RSF1: variants seen among roughly 807,000 people sequenced by gnomAD.
RSF1 encodes the protein remodeling and spacing factor 1, also known as HBV pX-associated protein 8.
Under a neutral mutation model 145.2 loss-of-function variants are expected in RSF1, and 13 were observed. The observed-to-expected ratio is 0.09, with a 90% CI of 0.06 to 0.14. The LOEUF (loss-of-function observed/expected upper bound fraction) is 0.14. RSF1 is among the 10% of genes least tolerant of loss of function. The pLI is 1.00. For synonymous variants in RSF1, 577 were observed against 592.6 expected, an observed-to-expected ratio of 0.97 and a Z score of 0.38; for missense variants, 1,517 against 1,718.2, an observed-to-expected ratio of 0.88 and a Z score of 2.07.
chr11:77,710,159 TAAAAA>T (rs201806358), intron 5 of RSF1, among the ~76,000 whole-genome samples: 1 of 151,490 alleles, frequency 6.6e-6, no homozygotes, highest in Admixed American at 6.6e-5. Context: ...TTTTTTAAAT[TAAAAA>T]AAAATTGTTG....
chr11:77,867,006 A>C, the RSF1 span, among the ~76,000 whole-genome samples: 1 of 151,982 alleles, frequency 6.6e-6, no homozygotes, highest in African/African-American at 2.4e-5. Context: ...ACACCCGGCT[A>C]ATTTTTGTAT....
chr11:77,742,775 A>G (rs1315296988), intron 3 of RSF1, among the ~76,000 whole-genome samples: 2 of 152,200 alleles, frequency 1.3e-5, no homozygotes, highest in Non-Finnish European at 2.9e-5. Context: ...AGAAATGTCT[A>G]CTGAAGTCCT....
At chr11:77,671,221 T>C (rs1402068284) in intron 15 of RSF1, among the ~76,000 whole-genome samples, 1 of 135,074 alleles carries the variant, frequency 7.4e-6, no homozygotes, top group East Asian at 2.2e-4. Flanking sequence ...ACTATATATA[T>C]ATAATTTAAG....
At chr11:77,678,175 C>T (rs1565145488) in intron 11 of RSF1, 22 bp from the exon 12 acceptor site, 1 of 1,313,426 alleles carries the variant, frequency 7.6e-7, no homozygotes, top group Non-Finnish European at 1.1e-6. Context: ...ACAATGATCA[C>T]ATTATAGCCT....
intron 2 of RSF1, chr11:77,762,867 G>A (rs1025098474): frequency 2.0e-5 from 3 of 152,116 alleles, no homozygotes; most frequent in Non-Finnish European, 4.4e-5. Context: ...GCCACAAGGA[G>A]AAAGACGAGA....
the RSF1 span, chr11:77,869,885 T>G: frequency 1.4e-6 from 2 of 1,473,986 alleles, no homozygotes; most frequent in Non-Finnish European, 1.9e-6. Flanking sequence ...TCTTACAGAC[T>G]TGTCCTTCTT....
the RSF1 span, among the ~76,000 whole-genome samples, chr11:77,852,562 A>G: frequency 6.6e-6 from 1 of 152,142 alleles, no homozygotes; most frequent in African/African-American, 2.4e-5. Flanking sequence ...TTACAATTCA[A>G]CATGAGATTT....
intron 5 of RSF1, among the ~76,000 whole-genome samples, chr11:77,719,484 C>T (rs1342041095): frequency 1.3e-5 from 2 of 152,028 alleles, no homozygotes; most frequent in South Asian, 2.1e-4. Flanking sequence ...GTAAATCTCA[C>T]GTAAATAGAA....
chr11:77,852,785 T>C, the RSF1 span, among the ~76,000 whole-genome samples: 1,171 of 152,264 alleles, frequency 7.7e-3, 13 homozygotes, highest in African/African-American at 0.026. Context: ...CCATTTTCCA[T>C]ACGCAAAAGG....
At chr11:77,709,216 C>T (rs1960621767) in intron 5 of RSF1, among the ~76,000 whole-genome samples, 1 of 152,164 alleles carries the variant, frequency 6.6e-6, no homozygotes, top group African/African-American at 2.4e-5. Context: ...CATTTTCTAG[C>T]AACTCAATCT....
chr11:77,823,958 A>G (rs1216859461), upstream of RSF1, among the ~76,000 whole-genome samples: 1 of 151,862 alleles, frequency 6.6e-6, no homozygotes, highest in Non-Finnish European at 1.5e-5. Flanking sequence ...TTCTTTTCTC[A>G]CTGCTCACAC....
chr11:77,805,999 C>G (rs1948673314), intron 1 of RSF1, among the ~76,000 whole-genome samples: 1 of 152,194 alleles, frequency 6.6e-6, no homozygotes, highest in African/African-American at 2.4e-5. Context: ...TGCAACTTCT[C>G]TTTCTCAGAT....
Position 77,820,560 on chromosome 11 carries a change from T to G in RSF1, c.155A>C (p.Gln52Pro). 6.4e-7 allele frequency: 1 copy of G among 1,552,118 alleles called. No homozygotes were observed. Among genetic ancestry groups the G allele is most frequent in the Non-Finnish European group, 8.7e-7 (1 of 1,148,862 alleles). Residue 52 changes from glutamine (Q) to proline (P), a missense_variant, in exon 1 of 16, where the codon CAG (glutamine) becomes CCG (proline). Physicochemically the swap from Gln to Pro is moderately conservative, Grantham distance 76. This residue lies in a region of RSF1 where 85 missense variants were observed against 91.8 expected (regional missense o/e 0.93). Coordinates refer to ENST00000308488, the MANE Select transcript of RSF1 (RefSeq NM_016578.4). ...LPFPELERVLQAPPPDVGNGE... is the reference protein window; with the variant it reads ...LPFPELERVLPAPPPDVGNGE... ...GTTGCCGACGTCCGGCGGCGGCGCC[T>G]GCAGCACCCGCTCCAGCTCAGGGAA... is the stretch of plus-strand genomic sequence containing the variant.
intron 5 of RSF1, among the ~76,000 whole-genome samples, chr11:77,712,486 G>C (rs1960710852): frequency 6.6e-6 from 1 of 152,164 alleles, no homozygotes; most frequent in Non-Finnish European, 1.5e-5. Flanking sequence ...TTAACTATTT[G>C]ATTAAGGTGA....
Position 77,820,451 on chromosome 11 carries a change from C to A in RSF1, c.187+77G>T. The A allele has an allele frequency of 3.5e-6, 5 of 1,438,856 alleles. No homozygotes were observed. In the South Asian group the frequency reaches 4.0e-5, roughly 11 times the overall value. 89.1% of individuals were successfully genotyped at this position (1,438,856 alleles called of 1,614,324 possible). On this transcript the variant is annotated intron_variant, in intron 1 of 15. Transcript: ENST00000308488. ...CCGCGGAGGCCCGAGCCGCGAAGAA[C>A]CGGGGCGCCTGTGAAGAGCGGAGAG...
At position 77,669,024 on chromosome 11, in the gene RSF1, A is replaced by G. The variant is rs1959449331; in HGVS notation, c.3752-1533T>C. 2.0e-5 allele frequency among the ~76,000 whole-genome samples: 3 copies of G among 152,202 alleles called. No homozygotes were observed. In the South Asian group the frequency reaches 6.2e-4, roughly 32 times the overall value. Reference sequence around the variant, plus strand: ...AACAGGCATCTCAAATGATGTGTCTAAAACTGGGCTCCTAAACTTTCTCCT... The same window carrying G: ...AACAGGCATCTCAAATGATGTGTCTGAAACTGGGCTCCTAAACTTTCTCCT... On this transcript the variant is annotated intron_variant, in intron 15 of 15. Transcript: ENST00000308488.
chr11:77,663,625 CTT>C lies in RSF1; in HGVS notation c.*3290_*3291del, dbSNP rs1349136134. ...AAAAAAGGATGTCAAGGAAATATAA[CTT>C]GATGTACATTCTTGAAAATATCTCT... On this transcript the variant is annotated 3_prime_UTR_variant, in exon 16 of 16. Coordinates refer to ENST00000308488, the MANE Select transcript of RSF1 (RefSeq NM_016578.4). The C allele has an allele frequency of 1.3e-5, 2 of 152,140 alleles. No individual in the cohort carries two copies. Among genetic ancestry groups the C allele is most frequent in the Non-Finnish European group, 2.9e-5 (2 of 68,026 alleles). 9.4% of individuals were successfully genotyped at this position (152,140 alleles called of 1,614,324 possible). A position where few individuals can be genotyped will look rare whatever the true frequency, so the allele number is the denominator to read the frequency against.
chr11:77,669,023 TA>T (rs1440895058), intron 15 of RSF1, among the ~76,000 whole-genome samples: 1 of 152,214 alleles, frequency 6.6e-6, no homozygotes, highest in African/African-American at 2.4e-5. Context: ...ATGATGTGTC[TA>T]AAACTGGGCT....
At chr11:77,742,567 T>C (rs143178940) in intron 3 of RSF1, among the ~76,000 whole-genome samples, 18 of 152,174 alleles carry the variant, frequency 1.2e-4, no homozygotes, top group African/African-American at 4.3e-4. Flanking sequence ...CATGAGCCAC[T>C]GCACCTGGCC....
Sources: gnomAD v4.1 joint callset for allele counts (sites outside exome capture counted in the v4.1 genomes callset) on GRCh38, gnomAD v4.1.1 for gene constraint, gnomAD v4.1.1 regional missense constraint, MANE v1.5 for transcripts, NCBI Gene and HGNC (gene_info 2026-07-23, HGNC 2026-07-21) for gene names.